MBNL1: variants seen among roughly 807,000 people sequenced by gnomAD.
The protein encoded by MBNL1 is muscleblind-like protein 1.
Under a neutral mutation model 42.2 loss-of-function variants are expected in MBNL1, and 8 were observed. That is an observed-to-expected ratio of 0.19 (90% confidence interval 0.11 to 0.34). The LOEUF (loss-of-function observed/expected upper bound fraction) is 0.34, where lower values mean the gene tolerates loss of function less well. Among genes scored for constraint, MBNL1 ranks in the 10% least tolerant of loss-of-function variants. The pLI, the probability that MBNL1 is intolerant of heterozygous loss-of-function variation, is 1.00. For missense variants in MBNL1, 309 were observed against 495.3 expected (o/e 0.62, Z 3.57); for synonymous variants, 169 against 173.9 (o/e 0.97, Z 0.22).
At chr3:152,440,296 C>T (rs993222659) in intron 4 of MBNL1, among the ~76,000 whole-genome samples, 11 of 152,166 alleles carry the variant, frequency 7.2e-5, no homozygotes, top group African/African-American at 2.7e-4. Flanking sequence ...AGTCCATTTT[C>T]ACGCTGCTGA....
chr3:152,322,716 G>A (rs193263236), intron 2 of MBNL1, among the ~76,000 whole-genome samples: 1 of 152,026 alleles, frequency 6.6e-6, no homozygotes, highest in East Asian at 1.9e-4. Flanking sequence ...GACTGAAAAA[G>A]TTAACATTTT....
intron 1 of MBNL1, among the ~76,000 whole-genome samples, chr3:152,286,916 A>G (rs1237979303): frequency 1.3e-5 from 2 of 152,282 alleles, no homozygotes; most frequent in Admixed American, 6.5e-5. Context: ...GGTTTGAGGC[A>G]TGATTAATAG....
At chr3:152,423,673 G>A (rs1222081558) in intron 3 of MBNL1, among the ~76,000 whole-genome samples, 7 of 152,236 alleles carry the variant, frequency 4.6e-5, no homozygotes, top group South Asian at 2.1e-4. Flanking sequence ...ACATCGGTGC[G>A]AAAATCCTTA....
intron 3 of MBNL1, among the ~76,000 whole-genome samples, chr3:152,425,944 A>T (rs986798989): frequency 1.3e-5 from 2 of 152,224 alleles, no homozygotes; most frequent in Non-Finnish European, 2.9e-5. Flanking sequence ...CTTGGAACCA[A>T]CCCAAATGTC....
chr3:152,306,056 C>T (rs935148183), intron 2 of MBNL1, among the ~76,000 whole-genome samples: 1 of 152,296 alleles, frequency 6.6e-6, no homozygotes, highest in South Asian at 2.1e-4. Flanking sequence ...GGCTGTTTGT[C>T]CTCTGGATTC....
chr3:152,452,669 A>G (rs1017204835), intron 6 of MBNL1, among the ~76,000 whole-genome samples: 1 of 152,026 alleles, frequency 6.6e-6, no homozygotes, highest in Non-Finnish European at 1.5e-5. Flanking sequence ...CTACCCAGCT[A>G]CCTGTGGAGC....
chr3:152,279,509 A>G (rs2047160274), intron 1 of MBNL1, among the ~76,000 whole-genome samples: 1 of 73,982 alleles, frequency 1.4e-5, no homozygotes, highest in Non-Finnish European at 2.9e-5. Context: ...AGGCTGTCAA[A>G]TGTATTTTCA....
chr3:152,423,937 T>G (rs769529271), intron 3 of MBNL1, among the ~76,000 whole-genome samples: 13 of 152,166 alleles, frequency 8.5e-5, no homozygotes, highest in South Asian at 2.1e-4. Flanking sequence ...CTCAAAATAA[T>G]AAGAGCTATT....
chr3:152,281,383 A>G (rs1577068977), intron 1 of MBNL1, among the ~76,000 whole-genome samples: 1 of 152,090 alleles, frequency 6.6e-6, no homozygotes, highest in Non-Finnish European at 1.5e-5. Flanking sequence ...CTCCAAGTTA[A>G]TTCTGGAAAG....
chr3:152,370,833 CTT>C (rs34497504), intron 2 of MBNL1, among the ~76,000 whole-genome samples: 4 of 145,350 alleles, frequency 2.8e-5, no homozygotes, highest in South Asian at 2.2e-4. Context: ...GCAACCCCTG[CTT>C]TTTTTTTTTT....
intron 4 of MBNL1, among the ~76,000 whole-genome samples, chr3:152,434,520 G>A (rs549876208): frequency 1.9e-4 from 29 of 152,302 alleles, no homozygotes; most frequent in South Asian, 4.1e-4. Flanking sequence ...ATACACGTGT[G>A]TGTCTTTATG....
At position 152,269,049 on chromosome 3, in the gene MBNL1, A is replaced by G. The variant is rs1007395383; in HGVS notation, c.-833A>G. 32 of 455,828 alleles carry G rather than the reference A, an allele frequency of 7.0e-5. No individual in the cohort carries two copies. In the Admixed American group the frequency reaches 7.0e-4, roughly 10 times the overall value. The allele number at this position is 455,828 out of a possible 1,614,324, so 28.2% of individuals were successfully genotyped here. A position where few individuals can be genotyped will look rare whatever the true frequency, so the allele number is the denominator to read the frequency against. ...TCATGACTCCCACAATGCCTTGGGC[A>G]CTTGGTCGACAGTGGGGCCGCCTCT... On this transcript the variant is annotated 5_prime_UTR_variant, in exon 1 of 10. Coordinates refer to ENST00000324210, the MANE Select transcript of MBNL1 (RefSeq NM_021038.5).
chr3:152,268,902 A>T, upstream of MBNL1: 1 of 455,166 alleles, frequency 2.2e-6, no homozygotes, highest in South Asian at 1.5e-5. Context: ...GACCTCGGCG[A>T]TAAGAGGCTG....
At chr3:152,341,010 G>A in intron 2 of MBNL1, 1 of 1,317,850 alleles carries the variant, frequency 7.6e-7, no homozygotes, top group Non-Finnish European at 1.0e-6. Context: ...ACTGTACGAT[G>A]CTTATTTTTT....
At chr3:152,270,743 G>A (rs2041007129) in intron 1 of MBNL1, among the ~76,000 whole-genome samples, 1 of 152,146 alleles carries the variant, frequency 6.6e-6, no homozygotes, top group South Asian at 2.1e-4. Context: ...AACTTCTTTA[G>A]AAAACCTAAT....
At chr3:152,428,326 C>T (rs2098962804) in intron 3 of MBNL1, among the ~76,000 whole-genome samples, 1 of 152,156 alleles carries the variant, frequency 6.6e-6, no homozygotes, top group Non-Finnish European at 1.5e-5. Context: ...AAAGTCTGCC[C>T]TCTAGGAGCC....
chr3:152,422,402 T>C (rs2098821988), intron 3 of MBNL1, among the ~76,000 whole-genome samples: 1 of 152,066 alleles, frequency 6.6e-6, no homozygotes, highest in Non-Finnish European at 1.5e-5. Context: ...AAGAGCTAAC[T>C]ATCCTAAATA....
intron 2 of MBNL1, among the ~76,000 whole-genome samples, chr3:152,306,485 A>T (rs1363854144): frequency 6.6e-6 from 1 of 152,216 alleles, no homozygotes; most frequent in Non-Finnish European, 1.5e-5. Context: ...GCAAGACACC[A>T]TAACTCAGCC....
In MBNL1 at chr3:152,447,493, T is replaced by G. The variant is rs913595304; in HGVS notation, c.808-127T>G. On this transcript the variant is annotated intron_variant, in intron 5 of 9. Coordinates refer to ENST00000324210, the MANE Select transcript of MBNL1 (RefSeq NM_021038.5). The stretch of plus-strand genomic sequence containing the variant: ...TTTTTTGTTCATTGGATTTTTTCCC[T>G]CGGGTAGTTAAGTGCTCTGCTGCTT... 5 of 410,518 alleles carry G rather than the reference T, an allele frequency of 1.2e-5. No homozygotes were observed. In the Admixed American group the frequency reaches 2.0e-4, roughly 16 times the overall value. 25.4% of individuals were successfully genotyped at this position (410,518 alleles called of 1,614,324 possible).
Sources: allele counts gnomAD v4.1 joint callset (sites outside exome capture counted in the v4.1 genomes callset), GRCh38; gene constraint gnomAD v4.1.1; transcripts MANE v1.5; gene names NCBI Gene and HGNC (gene_info 2026-07-23, HGNC 2026-07-21).